The following MSRA variants were observed in gnomAD, a reference collection of about 807,000 sequenced individuals.
MSRA encodes mitochondrial peptide methionine sulfoxide reductase.
In MSRA, 54 loss-of-function variants were observed where a neutral mutation model predicts 31.3. The ratio of observed to expected loss-of-function variants is 1.73; its 90% confidence interval spans 1.39 to 2.17. The LOEUF (loss-of-function observed/expected upper bound fraction) is 2.17. Among genes scored for constraint, MSRA ranks in the 30% most tolerant of loss-of-function variants. The pLI is 0.00. For missense variants in MSRA, 507 were observed against 300.9 expected (o/e 1.69, Z -5.07); for synonymous variants, 169 against 116.5 (o/e 1.45, Z -2.90).
intron 5 of MSRA, among the ~76,000 whole-genome samples, chr8:10,370,654 GC>G (rs1444123280): frequency 6.6e-6 from 1 of 152,174 alleles, no homozygotes; most frequent in East Asian, 1.9e-4. Flanking sequence ...TCTCCCTCGG[GC>G]CAACCACTTT....
Position 10,359,622 on chromosome 8 carries a change from A to C in MSRA, c.543+39633A>C, listed in dbSNP as rs1175317385. Among the ~76,000 whole-genome samples the C allele has an allele frequency of 2.0e-5, 3 of 152,012 alleles. No individual in the cohort carries two copies. The East Asian group carries it at 5.8e-4, about 29-fold the overall frequency. Reference sequence around the variant, plus strand: ...CTTCAGCTTTGTATGAAATTTGACCAGAGTATTTACTGCCACAGAGAGGCT... The same window carrying C: ...CTTCAGCTTTGTATGAAATTTGACCCGAGTATTTACTGCCACAGAGAGGCT... On this transcript the variant is annotated intron_variant, in intron 5 of 5. Transcript: ENST00000317173.
At chr8:10,393,644 G>A (rs2001337) in intron 5 of MSRA, among the ~76,000 whole-genome samples, 42,694 of 152,124 alleles carry the variant, frequency 0.28, 7,053 homozygotes, top group Non-Finnish European at 0.37. Flanking sequence ...TGATTATAGC[G>A]CGGAAAATGT....
chr8:10,199,468 C>T (rs1036659982), intron 1 of MSRA, among the ~76,000 whole-genome samples: 21 of 152,066 alleles, frequency 1.4e-4, no homozygotes, highest in Middle Eastern at 3.2e-3. Flanking sequence ...TACAAATGCG[C>T]GCCACCGTGC....
chr8:10,152,394 C>G (rs1292415689), intron 1 of MSRA, among the ~76,000 whole-genome samples: 1 of 152,088 alleles, frequency 6.6e-6, no homozygotes, highest in Non-Finnish European at 1.5e-5. Flanking sequence ...ATTTTTAAGA[C>G]CGAGAGCCAG....
At chr8:10,226,944 C>A (rs1217593154) in intron 2 of MSRA, among the ~76,000 whole-genome samples, 2 of 152,162 alleles carry the variant, frequency 1.3e-5, no homozygotes, top group African/African-American at 4.8e-5. Flanking sequence ...AACCACTTGC[C>A]TTCCAGCAGC....
At chr8:10,239,556 A>T (rs1018902770) in intron 2 of MSRA, among the ~76,000 whole-genome samples, 20 of 152,196 alleles carry the variant, frequency 1.3e-4, no homozygotes, top group African/African-American at 4.6e-4. Flanking sequence ...ATCCTCCTAC[A>T]CTGCTTATAG....
At chr8:10,382,824 C>G (rs752721176) in intron 5 of MSRA, among the ~76,000 whole-genome samples, 2 of 152,212 alleles carry the variant, frequency 1.3e-5, no homozygotes, top group Non-Finnish European at 2.9e-5. Flanking sequence ...GCTGGTGTTG[C>G]AGCTTGAAAT....
chr8:10,286,797 T>C (rs1799961345), intron 3 of MSRA, among the ~76,000 whole-genome samples: 1 of 152,222 alleles, frequency 6.6e-6, no homozygotes, highest in Non-Finnish European at 1.5e-5. Flanking sequence ...TCCTGGCCTG[T>C]CCAGCTGGGA....
At chr8:10,339,447 T>A (rs966946979) in intron 5 of MSRA, among the ~76,000 whole-genome samples, 4 of 152,082 alleles carry the variant, frequency 2.6e-5, no homozygotes, top group Admixed American at 2.6e-4. Flanking sequence ...ACAAGTACAA[T>A]GAATTCAGTG....
intron 2 of MSRA, among the ~76,000 whole-genome samples, chr8:10,232,000 A>G (rs1563248257): frequency 6.6e-6 from 1 of 152,250 alleles, no homozygotes; most frequent in South Asian, 2.1e-4. Context: ...CCAGTTTGTT[A>G]CTTTGAACAG....
At chr8:10,059,033 G>C (rs1802554529) in intron 1 of MSRA, 1 of 152,028 alleles carries the variant, frequency 6.6e-6, no homozygotes, top group African/African-American at 2.4e-5. Flanking sequence ...AGCAATTCGA[G>C]AACTACAAAA....
At chr8:10,256,596 T>TA (rs1449955879) in intron 3 of MSRA, among the ~76,000 whole-genome samples, 2 of 152,160 alleles carry the variant, frequency 1.3e-5, no homozygotes, top group Non-Finnish European at 2.9e-5. Flanking sequence ...CATTGAAACT[T>TA]ACTTTTCTTT....
At chr8:10,055,582 A>T (rs1042923512) in intron 1 of MSRA, among the ~76,000 whole-genome samples, 8 of 152,180 alleles carry the variant, frequency 5.3e-5, no homozygotes, top group Admixed American at 4.6e-4. Flanking sequence ...CAATCTCTAA[A>T]ACAAGTCCTC....
At chr8:10,176,633 G>C (rs28448513) in intron 1 of MSRA, among the ~76,000 whole-genome samples, 4 of 152,134 alleles carry the variant, frequency 2.6e-5, no homozygotes, top group Non-Finnish European at 4.4e-5. Context: ...TCCCCTTTTC[G>C]TGTGAAGAAT....
Position 10,194,291 on chromosome 8 carries a change from C to T in MSRA, c.143-13542C>T, listed in dbSNP as rs186995864. Among the ~76,000 whole-genome samples, 504 of 152,284 alleles carry T rather than the reference C, an allele frequency of 3.3e-3. 1 individual carries two copies. Among genetic ancestry groups the T allele is most frequent in the Non-Finnish European group, 5.7e-3 (385 of 68,020 alleles). ...TTAAAAAGAAGATAATTAAGGCTAG[C>T]CTCCATGGCTCCTGCCTGTAATCCC... is the stretch of plus-strand genomic sequence containing the variant. On this transcript the variant is annotated intron_variant, in intron 1 of 5. Transcript: ENST00000317173.
chr8:10,335,080 C>A (rs996362300), intron 5 of MSRA, among the ~76,000 whole-genome samples: 2 of 152,138 alleles, frequency 1.3e-5, no homozygotes, highest in African/African-American at 4.8e-5. Context: ...CAGGACGGGC[C>A]GGGCGCAGGG....
chr8:10,392,543 A>G (rs1292235956), intron 5 of MSRA, among the ~76,000 whole-genome samples: 1 of 151,928 alleles, frequency 6.6e-6, no homozygotes, highest in Non-Finnish European at 1.5e-5. Context: ...CTGGCCGATG[A>G]TGCTCTTTGT....
At chr8:10,281,942 C>G (rs1383714443) in intron 3 of MSRA, among the ~76,000 whole-genome samples, 1 of 152,266 alleles carries the variant, frequency 6.6e-6, no homozygotes, top group South Asian at 2.1e-4. Flanking sequence ...ACGGGGCTTA[C>G]TTTGCAGGTT....
intron 1 of MSRA, among the ~76,000 whole-genome samples, chr8:10,206,801 G>A (rs1279352035): frequency 2.0e-5 from 3 of 152,202 alleles, no homozygotes; most frequent in African/African-American, 7.2e-5. Flanking sequence ...GCAGGACTTA[G>A]CACATAATTA....
Sources: allele counts gnomAD v4.1 joint callset (sites outside exome capture counted in the v4.1 genomes callset), GRCh38; gene constraint gnomAD v4.1.1; transcripts MANE v1.5; gene names NCBI Gene and HGNC (gene_info 2026-07-23, HGNC 2026-07-21).